The following TRMT9B variants were observed in gnomAD, a reference collection of about 807,000 sequenced individuals.
The protein encoded by TRMT9B is tRNA methyltransferase 9B (putative), also known as probable tRNA methyltransferase 9B.
In TRMT9B, 16 loss-of-function variants were observed where a neutral mutation model predicts 11.5. The observed-to-expected ratio is 1.39, with a 90% CI of 0.94 to 2.11. TRMT9B has a LOEUF of 2.11. TRMT9B is among the 30% of genes most tolerant of loss of function. The pLI is 0.00. For missense variants in TRMT9B, 941 were observed against 553.8 expected, an observed-to-expected ratio of 1.70 and a Z score of -7.02; for synonymous variants, 274 against 192.4, an observed-to-expected ratio of 1.42 and a Z score of -3.51.
chr8:12,951,405 C>G (rs1016654543), intron 1 of TRMT9B: 6 of 152,376 alleles, frequency 3.9e-5, no homozygotes, highest in African/African-American at 1.4e-4. Flanking sequence ...GCGCTGCGGG[C>G]CGACCAGGTG....
At chr8:12,984,508 A>T (rs1805935513) in intron 1 of TRMT9B, among the ~76,000 whole-genome samples, 1 of 152,122 alleles carries the variant, frequency 6.6e-6, no homozygotes, top group South Asian at 2.1e-4. Flanking sequence ...TGACTTTGGG[A>T]TTACTTGTCC....
intron 1 of TRMT9B, among the ~76,000 whole-genome samples, chr8:12,986,785 G>A (rs989084427): frequency 2.6e-5 from 4 of 152,094 alleles, no homozygotes; most frequent in Non-Finnish European, 5.9e-5. Flanking sequence ...GAGTCACCAG[G>A]TCCTATTAAT....
chr8:12,953,753 T>G (rs1425785094), intron 1 of TRMT9B, among the ~76,000 whole-genome samples: 1 of 152,156 alleles, frequency 6.6e-6, no homozygotes, highest in African/African-American at 2.4e-5. Flanking sequence ...GAGTTGCTCA[T>G]AGCAAGAAAA....
intron 1 of TRMT9B, among the ~76,000 whole-genome samples, chr8:12,947,086 GCTGA>G (rs1800305175): frequency 6.6e-6 from 1 of 152,168 alleles, no homozygotes; most frequent in Non-Finnish European, 1.5e-5. Flanking sequence ...TCTAAATTGT[GCTGA>G]CTAATAAACA....
Position 13,029,341 on chromosome 8 carries a change from TAGTTTTAA to T in TRMT9B, c.*7299_*7306del, listed in dbSNP as rs765904931. 2 of 167,068 alleles carry T rather than the reference TAGTTTTAA, an allele frequency of 1.2e-5. No individual in the cohort carries two copies. Among genetic ancestry groups the T allele is most frequent in the Non-Finnish European group, 2.9e-5 (2 of 68,112 alleles). The allele number at this position is 167,068 out of a possible 1,614,324, so 10.3% of individuals were successfully genotyped here. ...GACTTTTCCCAGGGGAAGCTAGCAA[TAGTTTTAA>T]AAGCACAAAGTGATGTAAAATATTT... On this transcript the variant is annotated 3_prime_UTR_variant, in exon 5 of 5. Coordinates refer to ENST00000524591, the MANE Select transcript of TRMT9B (RefSeq NM_020844.3).
intron 1 of TRMT9B, among the ~76,000 whole-genome samples, chr8:12,987,332 C>T (rs1306089724): frequency 6.6e-6 from 1 of 152,172 alleles, no homozygotes; most frequent in Non-Finnish European, 1.5e-5. Flanking sequence ...AATACAGACA[C>T]TTCTCCACTT....
chr8:12,978,926 C>G (rs1255112168), intron 1 of TRMT9B, among the ~76,000 whole-genome samples: 1 of 152,224 alleles, frequency 6.6e-6, no homozygotes, highest in African/African-American at 2.4e-5. Context: ...TGCGTGGATA[C>G]TTACCCCAGA....
rs1405371685 is a variant in TRMT9B at position 13,028,658 on chromosome 8, C to G, written c.*6614C>G. 6.6e-6 allele frequency: 1 copy of G among 151,366 alleles called. No individual in the cohort carries two copies. Among genetic ancestry groups the G allele is most frequent in the Non-Finnish European group, 1.5e-5 (1 of 67,878 alleles). 9.4% of individuals were successfully genotyped at this position (151,366 alleles called of 1,614,324 possible). A position where few individuals can be genotyped will look rare whatever the true frequency, so the allele number is the denominator to read the frequency against. ...TAGTGCAGTCTCAGCTCATTGCAAC[C>G]TCTGCCTCCCAGGTTTAAGCAATTC... On this transcript the variant is annotated 3_prime_UTR_variant, in exon 5 of 5. Coordinates refer to ENST00000524591, the MANE Select transcript of TRMT9B (RefSeq NM_020844.3).
chr8:12,976,881 T>A (rs1386863335), intron 1 of TRMT9B, among the ~76,000 whole-genome samples: 2 of 152,106 alleles, frequency 1.3e-5, no homozygotes, highest in African/African-American at 4.8e-5. Flanking sequence ...ACAAAGCCAT[T>A]GTTCAACCCA....
rs776515564 is a variant in TRMT9B, at chr8:13,023,793, A to G, written c.*1749A>G. 6.0e-6 allele frequency: 1 copy of G among 166,558 alleles called. No individual in the cohort carries two copies. Among genetic ancestry groups the G allele is most frequent in the Non-Finnish European group, 1.5e-5 (1 of 68,114 alleles). The allele number at this position is 166,558 out of a possible 1,614,324, so 10.3% of individuals were successfully genotyped here. A position where few individuals can be genotyped will look rare whatever the true frequency, so the allele number is the denominator to read the frequency against. On this transcript the variant is annotated 3_prime_UTR_variant, in exon 5 of 5. Transcript: ENST00000524591. ...CCTTTAATGATTGTGCTATAACTTA[A>G]AATAATGATGTTACTTTTGAACAAA... is the stretch of plus-strand genomic sequence containing the variant.
At chr8:13,017,614 CTT>C (rs34715221) in intron 4 of TRMT9B, among the ~76,000 whole-genome samples, 3 of 117,546 alleles carry the variant, frequency 2.6e-5, no homozygotes, top group Non-Finnish European at 5.0e-5. Context: ...CATTTGTAGG[CTT>C]TTTTTTTTTT....
intron 1 of TRMT9B, among the ~76,000 whole-genome samples, chr8:12,966,488 T>C (rs1802840678): frequency 1.3e-5 from 2 of 152,210 alleles, no homozygotes; most frequent in Admixed American, 6.5e-5. Context: ...TTAGCTCCTA[T>C]GTTACCAATA....
intron 3 of TRMT9B, among the ~76,000 whole-genome samples, chr8:13,009,134 G>C (rs1384531136): frequency 2.6e-5 from 4 of 152,108 alleles, no homozygotes; most frequent in Non-Finnish European, 4.4e-5. Flanking sequence ...ATTATGCTAG[G>C]TGAAATCAGC....
At chr8:13,006,681 C>A (rs1045856220) in intron 3 of TRMT9B, 3 of 1,334,376 alleles carry the variant, frequency 2.2e-6, no homozygotes, top group East Asian at 2.7e-5. Flanking sequence ...TATTTTTATT[C>A]TTTTGAGATG....
At chr8:12,955,892 CCTGGGGG>C (rs1801240520) in intron 1 of TRMT9B, among the ~76,000 whole-genome samples, 1 of 152,082 alleles carries the variant, frequency 6.6e-6, no homozygotes, top group Admixed American at 6.5e-5. Flanking sequence ...ATTGCCACAG[CCTGGGGG>C]CTGGGAATCA....
At chr8:12,971,457 G>C (rs529315691) in intron 1 of TRMT9B, among the ~76,000 whole-genome samples, 3 of 152,220 alleles carry the variant, frequency 2.0e-5, no homozygotes, top group Non-Finnish European at 4.4e-5. Context: ...TTCTTTGTGA[G>C]GTTTAACATA....
rs1814050216 is a variant in TRMT9B at position 13,022,033 on chromosome 8, G to A, written c.1354G>A (p.Gly452Ser). Residue 452 changes from glycine to serine, a missense_variant, in exon 5 of 5, where the codon GGT becomes AGT. Gly to Ser is a moderately conservative substitution (Grantham distance 56). Coordinates refer to ENST00000524591, the MANE Select transcript of TRMT9B (RefSeq NM_020844.3). The stretch of plus-strand genomic sequence containing the variant: ...GTGTATCATTGCAGAGAAAAAGAGA[G>A]GTTGTGATTGATTGGATCCTTTTAG... ...NWCIIAEKKR[G>S]CD 1.9e-6 allele frequency: 3 copies of A among 1,575,134 alleles called. No homozygotes were observed. Among genetic ancestry groups the A allele is most frequent in the Non-Finnish European group, 2.6e-6 (3 of 1,162,976 alleles).
intron 1 of TRMT9B, chr8:12,960,187 C>A (rs780717476): frequency 3.3e-5 from 5 of 152,194 alleles, no homozygotes; most frequent in Non-Finnish European, 5.9e-5. Flanking sequence ...CTGTTTAATT[C>A]TCTGAGCCAG....
intron 2 of TRMT9B, among the ~76,000 whole-genome samples, chr8:12,991,539 C>A (rs1010145826): frequency 6.6e-6 from 1 of 152,084 alleles, no homozygotes; most frequent in Non-Finnish European, 1.5e-5. Context: ...TTTTTTAATT[C>A]TGTGTCTTCT....
Sources: allele counts gnomAD v4.1 joint callset (sites outside exome capture counted in the v4.1 genomes callset), GRCh38; gene constraint gnomAD v4.1.1; transcripts MANE v1.5; gene names NCBI Gene and HGNC (gene_info 2026-07-23, HGNC 2026-07-21).